The following TBC1D5 variants were observed in gnomAD, a reference collection of about 807,000 sequenced individuals.
TBC1D5 encodes the protein TBC1 domain family member 5.
In TBC1D5, 75 loss-of-function variants were observed where a neutral mutation model predicts 100.3. The ratio of observed to expected loss-of-function variants is 0.75; its 90% CI spans 0.62 to 0.91. TBC1D5 has a LOEUF of 0.91. Among genes scored for constraint, TBC1D5 ranks in the 40% least tolerant of loss-of-function variants. The pLI, the probability that TBC1D5 is intolerant of heterozygous loss-of-function variation, is 0.00. For missense variants in TBC1D5, 910 were observed against 942.4 expected, an observed-to-expected ratio of 0.97 and a Z score of 0.45; for synonymous variants, 323 against 325.6, an observed-to-expected ratio of 0.99 and a Z score of 0.09.
intron 4 of TBC1D5, among the ~76,000 whole-genome samples, chr3:17,421,803 T>C (rs528798169): frequency 6.6e-6 from 1 of 152,344 alleles, no homozygotes; most frequent in Non-Finnish European, 1.5e-5. Context: ...ATCTAGACTT[T>C]AGTTTGTCTT....
chr3:17,225,745 G>A (rs1255943794), intron 17 of TBC1D5, among the ~76,000 whole-genome samples: 1 of 152,074 alleles, frequency 6.6e-6, no homozygotes, highest in Non-Finnish European at 1.5e-5. Flanking sequence ...TCAGGAAGCT[G>A]AAGAGGGACA....
intron 8 of TBC1D5, among the ~76,000 whole-genome samples, chr3:17,399,510 T>C (rs2152399623): frequency 6.6e-6 from 1 of 152,272 alleles, no homozygotes; most frequent in South Asian, 2.1e-4. Flanking sequence ...TATTACTACA[T>C]TTTTAGTCTA....
chr3:17,733,126 A>G (rs1476106192), intron 1 of TBC1D5, among the ~76,000 whole-genome samples: 1 of 152,210 alleles, frequency 6.6e-6, no homozygotes, highest in Non-Finnish European at 1.5e-5. Flanking sequence ...GAGTCCAGAG[A>G]GAGAATCATG....
Position 17,335,756 on chromosome 3 carries a change from T to C in TBC1D5, c.996-27622A>G, listed in dbSNP as rs374936028. Among the ~76,000 whole-genome samples the C allele has an allele frequency of 2.0e-5, 3 of 152,078 alleles. No homozygotes were observed. In the East Asian group the frequency reaches 5.8e-4, roughly 29 times the overall value. ...ATTACTCAGGGGGGGTTTCAGCTAT[T>C]ATGCTTGAGAATTCAAGTGATGAAT... On this transcript the variant is annotated intron_variant, in intron 13 of 21. Transcript: ENST00000253692.
In TBC1D5 at chr3:17,404,770, T is replaced by C; in HGVS notation, c.367-2A>G. On this transcript the variant is annotated splice_acceptor_variant, in intron 6 of 21. Transcript: ENST00000253692. LOFTEE classifies it high-confidence loss of function. ...AACCTTCCTCGGGTTGGTAATATGC[T>C]AGTAAAGAAAGAGAAAACACACACA... The C allele has an allele frequency of 6.2e-7, 1 of 1,602,770 alleles. No homozygotes were observed. The highest frequency in any genetic ancestry group is 8.5e-7 in the Non-Finnish European group (1 of 1,176,348).
chr3:17,715,791 G>A (rs1481555387), intron 1 of TBC1D5, among the ~76,000 whole-genome samples: 2 of 151,942 alleles, frequency 1.3e-5, no homozygotes, highest in East Asian at 3.9e-4. Context: ...GAGAGAGCAA[G>A]ACTATGTCTC....
In TBC1D5 at chr3:17,275,668, T is replaced by A. The variant is rs925099400; in HGVS notation, c.1245+16227A>T. Among the ~76,000 whole-genome samples the A allele has an allele frequency of 2.0e-5, 3 of 152,200 alleles. No homozygotes were observed. In the South Asian group the frequency reaches 6.2e-4, roughly 32 times the overall value. On this transcript the variant is annotated intron_variant, in intron 15 of 21. Transcript: ENST00000253692. Reference sequence around the variant, plus strand: ...GAAGATGTCATATCCCTTATATGTTTAATATATATCTAATGAAATAAGATG... The same window carrying A: ...GAAGATGTCATATCCCTTATATGTTAAATATATATCTAATGAAATAAGATG...
chr3:17,469,949 T>A (rs1401617892), intron 3 of TBC1D5, among the ~76,000 whole-genome samples: 1 of 152,214 alleles, frequency 6.6e-6, no homozygotes, highest in Non-Finnish European at 1.5e-5. Context: ...AAGAATTTAG[T>A]TAATCATCTC....
chr3:17,292,284 C>T (rs1261770678), intron 14 of TBC1D5, among the ~76,000 whole-genome samples: 1 of 152,130 alleles, frequency 6.6e-6, no homozygotes, highest in Admixed American at 6.5e-5. Flanking sequence ...ATTCTCAGAA[C>T]CGTGCATATT....
chr3:17,173,851 C>T (rs953376682), intron 19 of TBC1D5, among the ~76,000 whole-genome samples: 2 of 152,232 alleles, frequency 1.3e-5, no homozygotes, highest in Middle Eastern at 3.4e-3. Context: ...GTGACAGTGG[C>T]TTAAGAGGTG....
In TBC1D5 at chr3:17,230,583, G is replaced by C. The variant is rs1303515199; in HGVS notation, c.1588+7580C>G. On this transcript the variant is annotated intron_variant, in intron 17 of 21. Coordinates refer to ENST00000253692, the Ensembl canonical transcript of TBC1D5. Reference sequence around the variant, plus strand: ...AATATCAACAGTGGTTACCTGGACAGGAAGTTTTTTTTTAACCTTTTTATA... The same window carrying C: ...AATATCAACAGTGGTTACCTGGACACGAAGTTTTTTTTTAACCTTTTTATA... Among the ~76,000 whole-genome samples the C allele has an allele frequency of 2.6e-5, 4 of 152,098 alleles. No individual in the cohort carries two copies. In the South Asian group the frequency reaches 6.2e-4, roughly 24 times the overall value.
At chr3:17,563,995 G>A (rs571869667) in intron 2 of TBC1D5, among the ~76,000 whole-genome samples, 88 of 152,254 alleles carry the variant, frequency 5.8e-4, no homozygotes, top group South Asian at 1.2e-3. Context: ...TGTTAGCCAG[G>A]ATGGTCTCGA....
intron 2 of TBC1D5, among the ~76,000 whole-genome samples, chr3:17,533,868 T>G (rs2153395899): frequency 6.7e-6 from 1 of 149,688 alleles, no homozygotes; most frequent in Admixed American, 6.6e-5. Flanking sequence ...TCCACATACA[T>G]ACACAGACAC....
intron 2 of TBC1D5, among the ~76,000 whole-genome samples, chr3:17,572,707 C>A (rs1012417996): frequency 2.6e-5 from 4 of 152,072 alleles, no homozygotes; most frequent in Non-Finnish European, 5.9e-5. Context: ...ATTCGACGAC[C>A]ACTTTTGGCA....
chr3:17,412,490 T>C (rs9824191), intron 4 of TBC1D5, among the ~76,000 whole-genome samples: 29,982 of 152,006 alleles, frequency 0.2, 3,279 homozygotes, highest in Middle Eastern at 0.26. Flanking sequence ...ATATGAATGG[T>C]AGGCCTGCTC....
At chr3:17,246,147 T>G (rs1446211361) in intron 16 of TBC1D5, among the ~76,000 whole-genome samples, 1 of 152,112 alleles carries the variant, frequency 6.6e-6, no homozygotes. Flanking sequence ...ATAAAGATAT[T>G]TGAGTCTGCA....
chr3:17,674,255 G>C (rs897371040), intron 1 of TBC1D5, among the ~76,000 whole-genome samples: 1 of 152,046 alleles, frequency 6.6e-6, no homozygotes, highest in African/African-American at 2.4e-5. Flanking sequence ...ATATGCCTTT[G>C]AAAATTTGAC....
At chr3:17,726,500 AT>A (rs2076141766) in intron 1 of TBC1D5, among the ~76,000 whole-genome samples, 1 of 152,178 alleles carries the variant, frequency 6.6e-6, no homozygotes. Context: ...ATGGCTGCAT[AT>A]GTATGTCTTC....
chr3:17,254,143 A>G (rs2077420113), intron 16 of TBC1D5, among the ~76,000 whole-genome samples: 1 of 152,218 alleles, frequency 6.6e-6, no homozygotes. Context: ...GATTTGGGGT[A>G]TTATGAATAA....
Sources: gnomAD v4.1 joint callset for allele counts (sites outside exome capture counted in the v4.1 genomes callset) on GRCh38, gnomAD v4.1.1 for gene constraint, MANE v1.5 for transcripts, NCBI Gene and HGNC (gene_info 2026-07-23, HGNC 2026-07-21) for gene names.